The following AFF1 variants were observed in gnomAD, a reference collection of about 807,000 sequenced individuals.
AFF1 encodes the protein ALF transcription elongation factor 1.
A neutral mutation model predicts 121.7 loss-of-function variants in AFF1; 48 were observed. That is an observed-to-expected ratio of 0.39 (90% CI 0.31 to 0.50). The LOEUF (loss-of-function observed/expected upper bound fraction) is 0.50, where lower values mean the gene tolerates loss of function less well. Ranked by LOEUF, AFF1 falls within the 20% of genes least tolerant of loss-of-function variation. The pLI, the probability that AFF1 is intolerant of heterozygous loss-of-function variation, is 0.76. For synonymous variants in AFF1, 613 were observed against 563.0 expected (o/e 1.09, Z -1.26); for missense variants, 1,523 against 1,511.7 (o/e 1.01, Z -0.12).
At position 87,135,658 on chromosome 4, in the gene AFF1, G is replaced by A. The variant is rs1398676513; in HGVS notation, c.3614G>A (p.Arg1205Gln). The A allele has an allele frequency of 2.5e-6, 4 of 1,612,774 alleles. No individual in the cohort carries two copies. The highest frequency in any genetic ancestry group is 3.3e-5 in the Admixed American group (2 of 59,846). The change falls in exon 21 of 21, where the codon CGA becomes CAA. Residue 1205 changes from arginine to glutamine, a missense_variant. Physicochemically the swap from Arg to Gln is conservative, Grantham distance 43. Coordinates refer to ENST00000395146, the MANE Select transcript of AFF1 (RefSeq NM_001166693.3). The stretch of plus-strand genomic sequence containing the variant: ...TTGGTGGACCTGGTGCACTATACAC[G>A]ACAGGGTTTTCAGCAGCTACAAGAA... Reference protein sequence around the residue: ...SSLVDLVHYTRQGFQQLQELT... With the variant: ...SSLVDLVHYTQQGFQQLQELT...
intron 2 of AFF1, among the ~76,000 whole-genome samples, chr4:86,999,134 C>T (rs758721655): frequency 2.6e-5 from 4 of 152,138 alleles, no homozygotes; most frequent in Non-Finnish European, 4.4e-5. Flanking sequence ...TGCTATTCAA[C>T]AAATTATTAA....
chr4:87,125,236 C>A, intron 13 of AFF1, 93 bp downstream of exon 13: 1 of 831,910 alleles, frequency 1.2e-6, no homozygotes, highest in Non-Finnish European at 1.8e-6. Context: ...GCACTAGAAT[C>A]AGTGGATTAA....
At position 87,140,490 on chromosome 4, in the gene AFF1, T is replaced by C. The variant is rs2149815042; in HGVS notation, c.*4789T>C. On this transcript the variant is annotated 3_prime_UTR_variant, in exon 21 of 21. Transcript: ENST00000395146. ...TACCATTATATATTATATTATATTA[T>C]ATTATATATTTTTTGCTTTCTTATA... 5.9e-6 allele frequency: 1 copy of C among 168,152 alleles called. No homozygotes were observed. The highest frequency in any genetic ancestry group is 2.4e-5 in the African/African-American group (1 of 41,754). The allele number at this position is 168,152 out of a possible 1,614,324, so 10.4% of individuals were successfully genotyped here. A position where few individuals can be genotyped will look rare whatever the true frequency, so the allele number is the denominator to read the frequency against.
chr4:87,063,729 T>A (rs1410551330), intron 4 of AFF1, among the ~76,000 whole-genome samples: 1 of 152,260 alleles, frequency 6.6e-6, no homozygotes, highest in African/African-American at 2.4e-5. Flanking sequence ...AGGGCTGTTG[T>A]GAGAATTAAA....
intron 4 of AFF1, among the ~76,000 whole-genome samples, chr4:87,068,257 G>GCC (rs70957204): frequency 0.29 from 34,993 of 119,732 alleles, 6,055 homozygotes; most frequent in East Asian, 0.37. Flanking sequence ...CATGAAAATT[G>GCC]CCCCCCCCCC....
intron 4 of AFF1, among the ~76,000 whole-genome samples, chr4:87,072,597 C>T (rs1391076853): frequency 1.3e-5 from 2 of 151,670 alleles, no homozygotes; most frequent in Non-Finnish European, 2.9e-5. Flanking sequence ...TCTCAGCTCA[C>T]GGCAGCCTCC....
At chr4:87,071,298 G>A (rs936695112) in intron 4 of AFF1, among the ~76,000 whole-genome samples, 48 of 151,736 alleles carry the variant, frequency 3.2e-4, no homozygotes, top group African/African-American at 1.1e-3. Flanking sequence ...ACATTGAGAT[G>A]GCTTTTAAAG....
At chr4:87,000,148 GTAAA>G (rs1725573532) in intron 2 of AFF1, among the ~76,000 whole-genome samples, 2 of 152,146 alleles carry the variant, frequency 1.3e-5, no homozygotes, top group Non-Finnish European at 2.9e-5. Context: ...AATTGAATGA[GTAAA>G]TAAATGGAGA....
Position 87,007,436 on chromosome 4 carries a change from A to G in AFF1, c.39-38730A>G, listed in dbSNP as rs766604208. On this transcript the variant is annotated intron_variant, in intron 2 of 20. Coordinates refer to ENST00000395146, the MANE Select transcript of AFF1 (RefSeq NM_001166693.3). ...GCAGCCCAGTCAAGGTAAGCCGTGC[A>G]CCGGAGAAACTTTTCAAACGCGTTC... 8 of 1,613,914 alleles carry G rather than the reference A, an allele frequency of 5.0e-6. No individual in the cohort carries two copies. In the African/African-American group the frequency reaches 8.0e-5, roughly 16 times the overall value.
intron 16 of AFF1, 114 bp downstream of exon 16, chr4:87,127,817 A>AGG: frequency 9.4e-7 from 1 of 1,064,324 alleles, no homozygotes. Flanking sequence ...CGGTGGAAGG[A>AGG]GGGGGTGCAG....
In AFF1 at chr4:87,047,538, A is replaced by C; in HGVS notation, c.1003A>C (p.Lys335Gln). The change falls in exon 4 of 21, where the codon AAA (lysine) becomes CAA (glutamine). Residue 335 changes from lysine to glutamine, a missense_variant. Around this residue, in one of 5 missense-constraint regions of AFF1, gnomAD observed 905 missense variants for 842.5 expected, o/e 1.07. Coordinates refer to ENST00000395146, the MANE Select transcript of AFF1 (RefSeq NM_001166693.3). ...RQQTFEKTDL[K>Q]VPAKAKLTKL... ...GCAGACCTTTGAAAAAACAGACTTG[A>C]AAGTGCCTGCCAAAGCCAAGCTCAC... 6.2e-7 allele frequency: 1 copy of C among 1,614,188 alleles called. No individual in the cohort carries two copies. Among genetic ancestry groups the C allele is most frequent in the Non-Finnish European group, 8.5e-7 (1 of 1,180,036 alleles).
chr4:87,032,497 T>C (rs895950653), intron 2 of AFF1, among the ~76,000 whole-genome samples: 2 of 152,244 alleles, frequency 1.3e-5, no homozygotes, highest in African/African-American at 4.8e-5. Context: ...GGACAACTTA[T>C]TCCTCCTTTT....
chr4:86,960,728 A>G (rs925031410), intron 2 of AFF1, among the ~76,000 whole-genome samples: 3 of 152,152 alleles, frequency 2.0e-5, no homozygotes, highest in African/African-American at 4.8e-5. Flanking sequence ...GCCTACCTTC[A>G]GTAAACTCTC....
chr4:86,997,486 G>T (rs1266684364), intron 2 of AFF1, among the ~76,000 whole-genome samples: 2 of 152,168 alleles, frequency 1.3e-5, no homozygotes, highest in African/African-American at 4.8e-5. Context: ...ACTTGGGCTG[G>T]GCGCAGTGGC....
Position 87,038,734 on chromosome 4 carries a change from A to G in AFF1, c.39-7432A>G, listed in dbSNP as rs1041466269. ...AATGGCATAGTGCTTCTAAACAGTA[A>G]TAAGACTTAATCCTTTCCAGAGTTA... On this transcript the variant is annotated intron_variant, in intron 2 of 20. Transcript: ENST00000395146. 4.6e-5 allele frequency among the ~76,000 whole-genome samples: 7 copies of G among 152,238 alleles called. 1 individual carries two copies. Among genetic ancestry groups the G allele is most frequent in the Admixed American group, 2.0e-4 (3 of 15,286 alleles).
At position 87,114,394 on chromosome 4, in the gene AFF1, C is replaced by G. The variant is rs757627070; in HGVS notation, c.1561C>G (p.Gln521Glu). Residue 521 changes from glutamine (Q) to glutamate (E), a missense_variant, in exon 12 of 21, where the codon CAG (glutamine) becomes GAG (glutamate). Physicochemically the swap from Gln to Glu is conservative, Grantham distance 29. Coordinates refer to ENST00000395146, the MANE Select transcript of AFF1 (RefSeq NM_001166693.3). Reference protein sequence around the residue: ...EPEPPTTNKWQLDNWLTKVSQ... With the variant: ...EPEPPTTNKWELDNWLTKVSQ... ...TGAGCCTCCAACAACAAACAAATGG[C>G]AGCTGGACAACTGGCTGACCAAAGT... 1.3e-6 allele frequency: 2 copies of G among 1,599,612 alleles called. No homozygotes were observed. The highest frequency in any genetic ancestry group is 8.5e-7 in the Non-Finnish European group (1 of 1,176,296).
chr4:87,010,646 T>A (rs2149535591), intron 2 of AFF1, among the ~76,000 whole-genome samples: 1 of 152,352 alleles, frequency 6.6e-6, no homozygotes, highest in Middle Eastern at 3.4e-3. Context: ...CAGTGCTTTA[T>A]ACTGAGGAGT....
intron 2 of AFF1, among the ~76,000 whole-genome samples, chr4:87,012,325 GA>G (rs1726861651): frequency 6.8e-6 from 1 of 148,116 alleles, no homozygotes; most frequent in Non-Finnish European, 1.5e-5. Flanking sequence ...TCTTTTCCAA[GA>G]TAGGCAAATA....
At chr4:87,024,959 C>A (rs1728382547) in intron 2 of AFF1, among the ~76,000 whole-genome samples, 1 of 152,182 alleles carries the variant, frequency 6.6e-6, no homozygotes, top group Non-Finnish European at 1.5e-5. Flanking sequence ...ATTTTTCCAC[C>A]CCTTCATTTT....
Sources: allele counts gnomAD v4.1 joint callset (sites outside exome capture counted in the v4.1 genomes callset), GRCh38; gene constraint gnomAD v4.1.1; regional missense constraint gnomAD v4.1.1; transcripts MANE v1.5; gene names NCBI Gene and HGNC (gene_info 2026-07-23, HGNC 2026-07-21).